The following A4GNT variants were observed in gnomAD, a reference collection of about 807,000 sequenced individuals.
A4GNT encodes the protein alpha-1,4-N-acetylglucosaminyltransferase.
In A4GNT, 6 loss-of-function variants were observed where a neutral mutation model predicts 8.3. The ratio of observed to expected loss-of-function variants is 0.72; its 90% CI spans 0.39 to 1.42. The LOEUF (loss-of-function observed/expected upper bound fraction) is 1.42, where lower values mean the gene tolerates loss of function less well. Among genes scored for constraint, A4GNT ranks in the 40% most tolerant of loss-of-function variants. The probability of loss-of-function intolerance (pLI) is 0.02; values close to 1 mark genes in which losing one functional copy is unlikely to be tolerated. For missense variants in A4GNT, 377 were observed against 417.0 expected (o/e 0.90, Z 0.84); for synonymous variants, 157 against 159.8 (o/e 0.98, Z 0.13).
intron 2 of A4GNT, among the ~76,000 whole-genome samples, chr3:138,129,625 G>A (rs954044216): frequency 2.0e-5 from 3 of 152,150 alleles, no homozygotes; most frequent in African/African-American, 7.2e-5. Context: ...ACAGACGGAA[G>A]AAACTACCAC....
At chr3:138,127,819 T>G (rs1261316955) in intron 2 of A4GNT, among the ~76,000 whole-genome samples, 1 of 152,164 alleles carries the variant, frequency 6.6e-6, no homozygotes, top group Non-Finnish European at 1.5e-5. Context: ...GTGGCCTAAC[T>G]GGGGAAGCAC....
chr3:138,132,169 C>T (rs760601943), intron 1 of A4GNT, 43 bp downstream of exon 1: 2 of 152,212 alleles, frequency 1.3e-5, no homozygotes, highest in Admixed American at 6.5e-5. Context: ...GTGACTGTAA[C>T]TTGCATCCAC....
In A4GNT at chr3:138,131,190, AC is replaced by A. The variant is rs2042775203; in HGVS notation, c.66del (p.Gln22HisfsTer4). 2 of 1,612,346 alleles carry A rather than the reference AC, an allele frequency of 1.2e-6. No homozygotes were observed. Among genetic ancestry groups the A allele is most frequent in the Non-Finnish European group, 1.7e-6 (2 of 1,178,688 alleles). ...TLLLVCGFLY[Q>X]FTLKSSCLFC... ...AAGAGGCAGCTGGACTTCAGGGTGA[AC>A]TGGTAGAGGAAGCCACAGACAAGCA... On this transcript the variant is annotated frameshift_variant, in exon 2 of 3. Transcript: ENST00000236709. LOFTEE classifies it high-confidence loss of function.
rs2042733423 is a variant in A4GNT at position 138,124,555 on chromosome 3, C to T, written c.732G>A (p.Val244=). 2 of 1,614,210 alleles carry T rather than the reference C, an allele frequency of 1.2e-6. No individual in the cohort carries two copies. The highest frequency in any genetic ancestry group is 1.1e-5 in the South Asian group (1 of 91,076). ...VWCKLEDFQE[V]SDLRCLNISF... is the part of the protein sequence containing the mutation. ...ATATGTTCAGACACCTGAGGTCGCT[C>T]ACCTCCTGGAAGTCTTCAAGTTTAC... Residue 244 remains valine, a synonymous_variant, in exon 3 of 3, where the codon GTG becomes GTA. Coordinates refer to ENST00000236709, the MANE Select transcript of A4GNT (RefSeq NM_016161.3).
At chr3:138,127,816 A>G (rs559988844) in intron 2 of A4GNT, among the ~76,000 whole-genome samples, 4 of 152,278 alleles carry the variant, frequency 2.6e-5, no homozygotes, top group Admixed American at 1.3e-4. Flanking sequence ...GTGGTGGCCT[A>G]ACTGGGGAAG....
Position 138,127,971 on chromosome 3 carries a change from T to G in A4GNT, c.408+2878A>C, listed in dbSNP as rs76829155. On this transcript the variant is annotated intron_variant, in intron 2 of 2. Coordinates refer to ENST00000236709, the MANE Select transcript of A4GNT (RefSeq NM_016161.3). ...CCCATCTTGCTCCTAAAATCCAACA[T>G]AGTAAAATTAAGGTGCAGCTCAGAG... Among the ~76,000 whole-genome samples the G allele has an allele frequency of 3.2e-3, 482 of 152,242 alleles. 2 individuals carry two copies. Among genetic ancestry groups the G allele is most frequent in the African/African-American group, 0.011 (458 of 41,544 alleles).
chr3:138,124,320 G>C lies in A4GNT; in HGVS notation c.967C>G (p.Leu323Val). 1 of 1,614,170 alleles carries C rather than the reference G, an allele frequency of 6.2e-7. No individual in the cohort carries two copies. Among genetic ancestry groups the C allele is most frequent in the South Asian group, 1.1e-5 (1 of 91,082 alleles). The change falls in exon 3 of 3, where the codon CTG (leucine) becomes GTG (valine). Residue 323 changes from leucine to valine, a missense_variant. Transcript: ENST00000236709. ...ACTGACCCCTCTGGGCCTTTAATCA[G>C]GTCCCTGTAAGTCCTGGGACAGTGC... ...RKHCPRTYRD[L>V]IKGPEGSVTG...
At position 138,124,329 on chromosome 3, in the gene A4GNT, A is replaced by G; in HGVS notation, c.958T>C (p.Tyr320His). The G allele has an allele frequency of 6.2e-7, 1 of 1,614,176 alleles. No homozygotes were observed. Among genetic ancestry groups the G allele is most frequent in the Non-Finnish European group, 8.5e-7 (1 of 1,180,034 alleles). The change falls in exon 3 of 3, where the codon TAC becomes CAC. Residue 320 changes from tyrosine (Y) to histidine (H), a missense_variant. By Grantham distance (83) the Tyr-to-His change is moderately conservative. Transcript: ENST00000236709. Reference sequence around the variant, plus strand: ...TCTGGGCCTTTAATCAGGTCCCTGTAAGTCCTGGGACAGTGCTTGCGATAG... The same window carrying G: ...TCTGGGCCTTTAATCAGGTCCCTGTGAGTCCTGGGACAGTGCTTGCGATAG... ...NLYRKHCPRT[Y>H]RDLIKGPEGS...
rs1468374070 is a variant in A4GNT at position 138,130,956 on chromosome 3, T to C, written c.301A>G (p.Thr101Ala). The C allele has an allele frequency of 1.2e-6, 2 of 1,614,114 alleles. No homozygotes were observed. Among genetic ancestry groups the C allele is most frequent in the South Asian group, 1.1e-5 (1 of 91,078 alleles). Residue 101 changes from threonine (T) to alanine (A), a missense_variant, in exon 2 of 3, where the codon ACA (threonine) becomes GCA (alanine). Coordinates refer to ENST00000236709, the MANE Select transcript of A4GNT (RefSeq NM_016161.3). ...GACAGGAAGGAAAAAGCTGGGTATG[T>C]GGAGTTTGAGGGCATCGGTGTGGAA... The part of the protein sequence containing the change: ...TDSTPMPSNS[T>A]YPAFSFLSAI...
chr3:138,124,214 C>G lies in A4GNT; in HGVS notation c.*50G>C, dbSNP rs767749152. ...GGAGATCAAGTGAAAATGTGGCACT[C>G]CAGGAAATGTCCATTTCCACACTGC... On this transcript the variant is annotated 3_prime_UTR_variant, in exon 3 of 3. Transcript: ENST00000236709. 5 of 1,567,254 alleles carry G rather than the reference C, an allele frequency of 3.2e-6. No individual in the cohort carries two copies. In the South Asian group the frequency reaches 4.8e-5, roughly 15 times the overall value.
chr3:138,132,909 G>A (rs1384168423), upstream of A4GNT, among the ~76,000 whole-genome samples: 1 of 152,184 alleles, frequency 6.6e-6, no homozygotes, highest in African/African-American at 2.4e-5. Flanking sequence ...TTTTCCCCAA[G>A]GTCCCCCTTA....
intron 2 of A4GNT, among the ~76,000 whole-genome samples, chr3:138,125,182 A>G (rs956991658): frequency 6.6e-6 from 1 of 152,226 alleles, no homozygotes; most frequent in African/African-American, 2.4e-5. Context: ...AATCCAGAAA[A>G]GATTTCACTA....
Position 138,131,066 on chromosome 3 carries a change from G to T in A4GNT, c.191C>A (p.Pro64His), listed in dbSNP as rs368615711. 1.2e-6 allele frequency: 2 copies of T among 1,613,780 alleles called. No homozygotes were observed. Among genetic ancestry groups the T allele is most frequent in the Non-Finnish European group, 8.5e-7 (1 of 1,179,762 alleles). ...CTCTACGGAACAGGAGACCAAATGGGGTGGCTCCATTCTCTCTGAGGTCTC... is the reference window on the plus strand; with the variant it reads ...CTCTACGGAACAGGAGACCAAATGGTGTGGCTCCATTCTCTCTGAGGTCTC... ...FLETSERMEP[P>H]HLVSCSVESA... The change falls in exon 2 of 3, where the codon CCC becomes CAC. Residue 64 changes from proline (P) to histidine (H), a missense_variant. By Grantham distance (77) the Pro-to-His change is moderately conservative. Transcript: ENST00000236709.
chr3:138,126,152 T>C (rs1189230573), intron 2 of A4GNT, among the ~76,000 whole-genome samples: 2 of 152,008 alleles, frequency 1.3e-5, no homozygotes, highest in East Asian at 3.9e-4. Flanking sequence ...ATGATGGTGC[T>C]AACAGTGGGG....
At chr3:138,130,370 T>C (rs1576523506) in intron 2 of A4GNT, among the ~76,000 whole-genome samples, 2 of 152,146 alleles carry the variant, frequency 1.3e-5, no homozygotes, top group African/African-American at 2.4e-5. Flanking sequence ...GATTACAAAA[T>C]TCCTCTAAGC....
At chr3:138,127,829 C>T (rs528741377) in intron 2 of A4GNT, among the ~76,000 whole-genome samples, 2 of 152,298 alleles carry the variant, frequency 1.3e-5, no homozygotes, top group African/African-American at 2.4e-5. Context: ...TGGGGAAGCA[C>T]ATGCCACAGC....
In A4GNT at chr3:138,124,177, C is replaced by G. The variant is rs370015533; in HGVS notation, c.*87G>C. 2.3e-5 allele frequency: 35 copies of G among 1,522,474 alleles called. No homozygotes were observed. The highest frequency in any genetic ancestry group is 1.2e-4 in the African/African-American group (9 of 72,268). 94.3% of individuals were successfully genotyped at this position (1,522,474 alleles called of 1,614,324 possible). On this transcript the variant is annotated 3_prime_UTR_variant, in exon 3 of 3. Coordinates refer to ENST00000236709, the MANE Select transcript of A4GNT (RefSeq NM_016161.3). ...GAGAGGCAACCCTCTGCCCACCCCG[C>G]CAAGAGACAGTGGAGATCAAGTGAA...
chr3:138,132,877 C>T (rs1174379103), upstream of A4GNT, among the ~76,000 whole-genome samples: 1 of 152,226 alleles, frequency 6.6e-6, no homozygotes, highest in Admixed American at 6.5e-5. Flanking sequence ...GTGTCAGTCA[C>T]AGTGGCTGCA....
chr3:138,131,963 A>C (rs1371185745), intron 1 of A4GNT, among the ~76,000 whole-genome samples: 2 of 152,248 alleles, frequency 1.3e-5, no homozygotes, highest in African/African-American at 2.4e-5. Flanking sequence ...ACAATCTGAT[A>C]ATTGTAACCA....
Sources: allele counts gnomAD v4.1 joint callset (sites outside exome capture counted in the v4.1 genomes callset), GRCh38; gene constraint gnomAD v4.1.1; transcripts MANE v1.5; gene names NCBI Gene and HGNC (gene_info 2026-07-23, HGNC 2026-07-21).